KHDRBS2: variants seen among roughly 807,000 people sequenced by gnomAD.
KHDRBS2 encodes KH domain-containing, RNA-binding, signal transduction-associated protein 2.
Under a neutral mutation model 44.3 loss-of-function variants are expected in KHDRBS2, and 26 were observed. That is an observed-to-expected ratio of 0.59 (90% confidence interval 0.43 to 0.81). The LOEUF (loss-of-function observed/expected upper bound fraction) is 0.81. KHDRBS2 is among the 40% of genes least tolerant of loss of function. The pLI is 0.00. For synonymous variants in KHDRBS2, 194 were observed against 151.1 expected (o/e 1.28, Z -2.08); for missense variants, 476 against 433.1 (o/e 1.10, Z -0.88).
Position 61,750,095 on chromosome 6 carries a change from A to G in KHDRBS2, c.811-17331T>C, listed in dbSNP as rs190278877. 1.5e-3 allele frequency among the ~76,000 whole-genome samples: 236 copies of G among 152,312 alleles called. 1 individual carries two copies. Among genetic ancestry groups the G allele is most frequent in the African/African-American group, 5.3e-3 (221 of 41,580 alleles). ...GTAGAAGATATCAGATATATCTTAC[A>G]TGTTATCTAATTTTTAAAAGCCACA... On this transcript the variant is annotated intron_variant, in intron 6 of 8. Transcript: ENST00000281156.
At chr6:61,767,311 C>CT (rs567707701) in intron 6 of KHDRBS2, among the ~76,000 whole-genome samples, 14 of 151,934 alleles carry the variant, frequency 9.2e-5, no homozygotes, top group African/African-American at 3.1e-4. Context: ...GCATAGAATA[C>CT]TTTTTTCTAT....
Position 62,189,766 on chromosome 6 carries a change from T to C in KHDRBS2, c.92-12454A>G, listed in dbSNP as rs550872167. On this transcript the variant is annotated intron_variant, in intron 1 of 8. Coordinates refer to ENST00000281156, the MANE Select transcript of KHDRBS2 (RefSeq NM_152688.4). ...AAAGGGGAGAAATCAACAGTGACTC[T>C]CAGGTTTTTGGCTTGAGTAAGTAGG... Among the ~76,000 whole-genome samples the C allele has an allele frequency of 2.0e-5, 3 of 147,882 alleles. No individual in the cohort carries two copies. The East Asian group carries it at 5.9e-4, about 29-fold the overall frequency.
chr6:61,550,867 G>C, the KHDRBS2 span, among the ~76,000 whole-genome samples: 1 of 148,304 alleles, frequency 6.7e-6, no homozygotes, highest in South Asian at 2.2e-4. Flanking sequence ...CCACCTCCTG[G>C]GTTCAAGTGA....
chr6:61,804,041 C>T (rs191813682), intron 6 of KHDRBS2, among the ~76,000 whole-genome samples: 2 of 152,112 alleles, frequency 1.3e-5, no homozygotes, highest in East Asian at 1.9e-4. Context: ...TTCCCAATAG[C>T]CCCCCAAAGT....
intron 6 of KHDRBS2, among the ~76,000 whole-genome samples, chr6:61,852,446 C>T (rs1380408232): frequency 6.6e-6 from 1 of 151,734 alleles, no homozygotes; most frequent in African/African-American, 2.4e-5. Context: ...TGCCTATAGT[C>T]CCAGCTACTC....
the KHDRBS2 span, among the ~76,000 whole-genome samples, chr6:61,595,344 G>A: frequency 6.6e-6 from 1 of 151,958 alleles, no homozygotes; most frequent in Admixed American, 6.6e-5. Context: ...GATGAACGAA[G>A]ATTTAATGTT....
intron 4 of KHDRBS2, among the ~76,000 whole-genome samples, chr6:61,947,122 T>G (rs1813541903): frequency 6.6e-6 from 1 of 152,212 alleles, no homozygotes; most frequent in Non-Finnish European, 1.5e-5. Flanking sequence ...ATGTCAATTT[T>G]GTCTTTTACA....
At chr6:61,604,190 CA>C in the KHDRBS2 span, among the ~76,000 whole-genome samples, 1 of 152,178 alleles carries the variant, frequency 6.6e-6, no homozygotes, top group South Asian at 2.1e-4. Context: ...CCTCACTATA[CA>C]AGGGTCATCT....
At chr6:62,280,702 G>C (rs1489730598) in intron 1 of KHDRBS2, among the ~76,000 whole-genome samples, 2 of 152,228 alleles carry the variant, frequency 1.3e-5, no homozygotes, top group Non-Finnish European at 2.9e-5. Context: ...TGTGGCAAGT[G>C]AAAGAAGTAT....
chr6:62,113,251 T>C (rs575425451), intron 2 of KHDRBS2, among the ~76,000 whole-genome samples: 2 of 152,228 alleles, frequency 1.3e-5, no homozygotes, highest in Admixed American at 6.5e-5. Flanking sequence ...ATATGATTCA[T>C]TGAATATACT....
At position 62,106,490 on chromosome 6, in the gene KHDRBS2, T is replaced by C. The variant is rs567925684; in HGVS notation, c.220-58496A>G. Among the ~76,000 whole-genome samples the C allele has an allele frequency of 4.6e-5, 7 of 152,280 alleles. No homozygotes were observed. The East Asian group carries it at 5.8e-4, about 13-fold the overall frequency. On this transcript the variant is annotated intron_variant, in intron 2 of 8. Coordinates refer to ENST00000281156, the MANE Select transcript of KHDRBS2 (RefSeq NM_152688.4). ...GTATTGGGTGCATACATATTTAGGATAGTTAGCTATTCTTGGTGAATTGAT... is the reference window on the plus strand; with the variant it reads ...GTATTGGGTGCATACATATTTAGGACAGTTAGCTATTCTTGGTGAATTGAT...
chr6:61,702,880 A>G (rs1422407857), intron 7 of KHDRBS2, among the ~76,000 whole-genome samples: 2 of 151,932 alleles, frequency 1.3e-5, no homozygotes, highest in African/African-American at 4.8e-5. Flanking sequence ...TCGTGTGTAG[A>G]ATTTTACTAA....
chr6:61,807,385 G>C (rs1267072759), intron 6 of KHDRBS2, among the ~76,000 whole-genome samples: 1 of 152,068 alleles, frequency 6.6e-6, no homozygotes, highest in Admixed American at 6.6e-5. Flanking sequence ...GTTCATTGTA[G>C]CACTACTCAC....
rs559701254 is a variant in KHDRBS2 at position 62,129,145 on chromosome 6, C to T, written c.219+48040G>A. On this transcript the variant is annotated intron_variant, in intron 2 of 8. Transcript: ENST00000281156. ...CTGCAGATGGATAAAATAACAACTA[C>T]TTTTCTATATTTTATGGATTAAAAC... 3.4e-3 allele frequency among the ~76,000 whole-genome samples: 516 copies of T among 152,150 alleles called. 2 individuals carry two copies. The highest frequency in any genetic ancestry group is 0.012 in the African/African-American group (500 of 41,532).
downstream of KHDRBS2, among the ~76,000 whole-genome samples, chr6:61,676,118 G>A (rs535471600): frequency 4.0e-5 from 6 of 151,862 alleles, no homozygotes; most frequent in South Asian, 6.2e-4. Context: ...TCCTCTGTTC[G>A]TGCATATGCT....
chr6:62,280,776 G>A (rs1223473643), intron 1 of KHDRBS2, among the ~76,000 whole-genome samples: 5 of 152,130 alleles, frequency 3.3e-5, no homozygotes, highest in Admixed American at 1.3e-4. Context: ...AGAGTCGATC[G>A]GGAGAAAGAG....
chr6:61,672,666 G>A, the KHDRBS2 span, among the ~76,000 whole-genome samples: 16 of 151,214 alleles, frequency 1.1e-4, no homozygotes, highest in African/African-American at 3.2e-4. Context: ...GTCTGTTCAT[G>A]TCCTTTGCCC....
intron 2 of KHDRBS2, among the ~76,000 whole-genome samples, chr6:62,067,620 G>C (rs765298073): frequency 6.6e-6 from 1 of 151,468 alleles, no homozygotes; most frequent in Non-Finnish European, 1.5e-5. Flanking sequence ...CATTAAAAGT[G>C]TACAATTCAA....
intron 2 of KHDRBS2, among the ~76,000 whole-genome samples, chr6:62,124,661 T>C (rs892963958): frequency 6.6e-6 from 1 of 151,824 alleles, no homozygotes; most frequent in Non-Finnish European, 1.5e-5. Context: ...CTTAGGTTGA[T>C]TCCATTTCTT....
Sources: allele counts gnomAD v4.1 joint callset (sites outside exome capture counted in the v4.1 genomes callset), GRCh38; gene constraint gnomAD v4.1.1; transcripts MANE v1.5; gene names NCBI Gene and HGNC (gene_info 2026-07-23, HGNC 2026-07-21).